PCLO: variants seen among roughly 807,000 people sequenced by gnomAD.
PCLO encodes the protein piccolo presynaptic cytomatrix protein.
A neutral mutation model predicts 427.5 loss-of-function variants in PCLO; 82 were observed. That is an observed-to-expected ratio of 0.19 (90% CI 0.16 to 0.23). The LOEUF (loss-of-function observed/expected upper bound fraction) is 0.23, where lower values mean the gene tolerates loss of function less well. PCLO is among the 10% of genes least tolerant of loss of function. The pLI is 1.00. For synonymous variants in PCLO, 2,357 were observed against 2,155.4 expected (o/e 1.09, Z -2.59); for missense variants, 6,239 against 6,115.9 (o/e 1.02, Z -0.67).
chr7:83,001,390 T>C (rs1001594), intron 3 of PCLO, among the ~76,000 whole-genome samples: 87,966 of 151,538 alleles, frequency 0.58, 26,231 homozygotes, highest in East Asian at 0.86. Context: ...AACAGAAAAA[T>C]CTTCATGACT....
intron 3 of PCLO, among the ~76,000 whole-genome samples, chr7:83,053,153 T>C (rs1458968311): frequency 6.6e-6 from 1 of 151,972 alleles, no homozygotes; most frequent in Non-Finnish European, 1.5e-5. Flanking sequence ...ACATTCTCTA[T>C]GCACTCATGT....
chr7:82,764,778 G>A lies in PCLO; in HGVS notation c.15008-3285C>T, dbSNP rs142836254. On this transcript the variant is annotated intron_variant, in intron 22 of 24. Transcript: ENST00000333891. ...TTATCAATATCCGTGTACCACTTAT[G>A]TAAAGTTGAAACTACAAAGTAAGAT... 3.2e-4 allele frequency among the ~76,000 whole-genome samples: 48 copies of A among 151,810 alleles called. No individual in the cohort carries two copies. In the East Asian group the frequency reaches 8.7e-3, roughly 28 times the overall value.
chr7:83,078,511 G>A (rs1022856529), intron 3 of PCLO, among the ~76,000 whole-genome samples: 1 of 110,892 alleles, frequency 9.0e-6, no homozygotes, highest in Non-Finnish European at 1.8e-5. Flanking sequence ...TACTCAATAT[G>A]TTGCTAGCAT....
chr7:82,849,131 T>C (rs1404515393), intron 10 of PCLO, among the ~76,000 whole-genome samples: 1 of 152,162 alleles, frequency 6.6e-6, no homozygotes, highest in Non-Finnish European at 1.5e-5. Context: ...GCACATACTA[T>C]GAAAAGGAAT....
At chr7:82,879,121 T>C (rs1214154360) in intron 10 of PCLO, among the ~76,000 whole-genome samples, 1 of 152,196 alleles carries the variant, frequency 6.6e-6, no homozygotes, top group Non-Finnish European at 1.5e-5. Flanking sequence ...AAGATACTTC[T>C]GTAGCCAACT....
intron 3 of PCLO, among the ~76,000 whole-genome samples, chr7:83,124,829 G>A (rs920558823): frequency 1.3e-5 from 2 of 151,986 alleles, no homozygotes; most frequent in African/African-American, 2.4e-5. Flanking sequence ...GTACTGCTGC[G>A]ATCTCGGCTC....
At chr7:82,951,582 T>C in intron 5 of PCLO, 92 bp from the exon 6 acceptor site, 1 of 914,410 alleles carries the variant, frequency 1.1e-6, no homozygotes, top group South Asian at 1.8e-5. Flanking sequence ...ACATAATGAA[T>C]GAGACTGCAT....
chr7:83,116,371 G>A (rs1791131948), intron 3 of PCLO, among the ~76,000 whole-genome samples: 2 of 152,090 alleles, frequency 1.3e-5, no homozygotes, highest in Non-Finnish European at 2.9e-5. Flanking sequence ...TATAGAACAT[G>A]TGTTTTCTGC....
intron 4 of PCLO, 60 bp downstream of exon 4, chr7:82,965,711 A>T: frequency 8.8e-7 from 1 of 1,134,508 alleles, no homozygotes; most frequent in Non-Finnish European, 1.3e-6. Context: ...TTGTATACTT[A>T]GGTTAAAAAT....
At chr7:82,769,469 C>T (rs1790602769) in intron 22 of PCLO, among the ~76,000 whole-genome samples, 1 of 151,980 alleles carries the variant, frequency 6.6e-6, no homozygotes, top group African/African-American at 2.4e-5. Context: ...GGTGTCTGTA[C>T]CACTTAACTG....
chr7:82,797,447 C>T (rs575212041), intron 22 of PCLO, among the ~76,000 whole-genome samples: 2 of 152,170 alleles, frequency 1.3e-5, no homozygotes, highest in South Asian at 2.1e-4. Flanking sequence ...TGGGAAAACA[C>T]TCATCTGTAC....
chr7:83,054,884 G>T (rs1789340207), intron 3 of PCLO, among the ~76,000 whole-genome samples: 1 of 151,996 alleles, frequency 6.6e-6, no homozygotes, highest in African/African-American at 2.4e-5. Context: ...TTCCAACCAT[G>T]GCACAATGAA....
At chr7:82,809,165 G>T (rs895210329) in intron 20 of PCLO, among the ~76,000 whole-genome samples, 19 of 151,734 alleles carry the variant, frequency 1.3e-4, no homozygotes, top group Non-Finnish European at 1.5e-5. Flanking sequence ...ATCTGAGGCT[G>T]GATCTTAGGT....
chr7:82,838,188 T>C (rs1643229117), intron 15 of PCLO, 30 bp downstream of exon 15: 11 of 1,526,396 alleles, frequency 7.2e-6, no homozygotes, highest in Non-Finnish European at 9.9e-6. Context: ...TTTTAAAGCA[T>C]GAGATGAAGT....
At chr7:82,774,272 C>T (rs1033872726) in intron 22 of PCLO, among the ~76,000 whole-genome samples, 1 of 152,066 alleles carries the variant, frequency 6.6e-6, no homozygotes, top group Middle Eastern at 3.2e-3. Flanking sequence ...ATTTTTTTCT[C>T]TTTATAGGGA....
At chr7:83,036,841 C>A (rs1788808772) in intron 3 of PCLO, among the ~76,000 whole-genome samples, 1 of 152,082 alleles carries the variant, frequency 6.6e-6, no homozygotes, top group Non-Finnish European at 1.5e-5. Context: ...CTGACCCCTA[C>A]TGATTCCTAG....
chr7:83,059,897 A>T, intron 3 of PCLO, among the ~76,000 whole-genome samples: 1 of 152,176 alleles, frequency 6.6e-6, no homozygotes, highest in Non-Finnish European at 1.5e-5. Context: ...GCTGAGTCTG[A>T]AGTAGTTTGT....
At chr7:83,038,071 A>C (rs9692297) in intron 3 of PCLO, among the ~76,000 whole-genome samples, 835 of 45,780 alleles carry the variant, frequency 0.018, 121 homozygotes, top group African/African-American at 0.067. Context: ...ATATTTATAT[A>C]TTTATATATA....
At position 82,854,377 on chromosome 7, in the gene PCLO, A is replaced by G. The variant is rs932449937; in HGVS notation, c.13655-7130T>C. On this transcript the variant is annotated intron_variant, in intron 10 of 24. Coordinates refer to ENST00000333891, the MANE Select transcript of PCLO (RefSeq NM_033026.6). ...ACTAACCCAAAGTTGATTTAAATGC[A>G]AAATACCAAAATTTTACTCCATCAT... Among the ~76,000 whole-genome samples, 10 of 152,292 alleles carry G rather than the reference A, an allele frequency of 6.6e-5. No individual in the cohort carries two copies. The South Asian group carries it at 2.1e-3, about 32-fold the overall frequency.
Sources: allele counts gnomAD v4.1 joint callset (sites outside exome capture counted in the v4.1 genomes callset), GRCh38; gene constraint gnomAD v4.1.1; transcripts MANE v1.5; gene names NCBI Gene and HGNC (gene_info 2026-07-23, HGNC 2026-07-21).